The following SPECC1 variants were observed in gnomAD, a reference collection of about 807,000 sequenced individuals.
The protein encoded by SPECC1 is sperm antigen with calponin homology and coiled-coil domains 1, also known as cytospin-B.
Under a neutral mutation model 104.1 loss-of-function variants are expected in SPECC1, and 62 were observed. That is an observed-to-expected ratio of 0.60 (90% CI 0.49 to 0.74). The LOEUF is 0.74. Among genes scored for constraint, SPECC1 ranks in the 30% least tolerant of loss-of-function variants. The pLI is 0.00. For missense variants in SPECC1, 1,306 were observed against 1,310.5 expected (o/e 1.00, Z 0.05); for synonymous variants, 513 against 501.6 (o/e 1.02, Z -0.30).
chr17:20,176,019 T>C (rs181735221), intron 3 of SPECC1, among the ~76,000 whole-genome samples: 73 of 152,326 alleles, frequency 4.8e-4, no homozygotes, highest in African/African-American at 1.8e-3. Flanking sequence ...CTTATGTAAA[T>C]GCGCAAATTT....
At chr17:20,234,933 C>G (rs1277394524) in intron 7 of SPECC1, among the ~76,000 whole-genome samples, 2 of 152,244 alleles carry the variant, frequency 1.3e-5, no homozygotes, top group Non-Finnish European at 2.9e-5. Flanking sequence ...ATTTCAGAGT[C>G]AGAATAACTG....
chr17:20,236,895 G>A, intron 7 of SPECC1: 3 of 1,613,780 alleles, frequency 1.9e-6, no homozygotes, highest in Non-Finnish European at 2.5e-6. Flanking sequence ...AGCATTTGGT[G>A]GAAGAAAGAC....
intron 1 of SPECC1, among the ~76,000 whole-genome samples, chr17:20,044,174 A>G (rs1437440344): frequency 6.6e-6 from 1 of 152,096 alleles, no homozygotes; most frequent in Non-Finnish European, 1.5e-5. Flanking sequence ...GGAAATGTTC[A>G]TAGGCCCTGG....
intron 1 of SPECC1, among the ~76,000 whole-genome samples, chr17:20,033,630 G>A (rs542675777): frequency 1.3e-5 from 2 of 152,258 alleles, no homozygotes; most frequent in South Asian, 4.1e-4. Context: ...GGGGGAAAGT[G>A]CCAGGCTGTT....
intron 3 of SPECC1, among the ~76,000 whole-genome samples, chr17:20,165,141 T>C (rs2033537544): frequency 6.6e-6 from 1 of 152,180 alleles, no homozygotes; most frequent in African/African-American, 2.4e-5. Flanking sequence ...GATCAACCCG[T>C]CACCTAGGTA....
intron 12 of SPECC1, among the ~76,000 whole-genome samples, chr17:20,282,078 C>T (rs2040789618): frequency 6.6e-6 from 1 of 152,272 alleles, no homozygotes; most frequent in Non-Finnish European, 1.5e-5. Context: ...GCCGCAGGCC[C>T]ATGCTTGCAA....
chr17:20,238,887 T>C (rs1176179356), intron 7 of SPECC1: 1 of 1,042,756 alleles, frequency 9.6e-7, no homozygotes, highest in Admixed American at 5.6e-5. Flanking sequence ...TGTTATTATA[T>C]AGAAGCGTCT....
At chr17:20,231,315 A>G (rs1030880127) in intron 5 of SPECC1, among the ~76,000 whole-genome samples, 1 of 152,230 alleles carries the variant, frequency 6.6e-6, no homozygotes, top group Admixed American at 6.5e-5. Flanking sequence ...GACTCTAGAA[A>G]GTGCTTTACA....
chr17:20,179,612 C>G (rs2034722360), intron 3 of SPECC1, among the ~76,000 whole-genome samples: 1 of 152,178 alleles, frequency 6.6e-6, no homozygotes, highest in African/African-American at 2.4e-5. Context: ...TGTCAGAGAT[C>G]AAGTACTCTT....
chr17:20,310,850 A>G (rs2041910022), intron 14 of SPECC1, among the ~76,000 whole-genome samples: 1 of 152,100 alleles, frequency 6.6e-6, no homozygotes, highest in Admixed American at 6.5e-5. Context: ...TTGTGTGACA[A>G]GCATTTTGTT....
Position 20,318,152 on chromosome 17 carries a change from T to C in SPECC1, c.*4087T>C. 1 of 231,450 alleles carries C rather than the reference T, an allele frequency of 4.3e-6. No homozygotes were observed. Among genetic ancestry groups the C allele is most frequent in the South Asian group, 1.8e-4 (1 of 5,516 alleles). The allele number at this position is 231,450 out of a possible 1,614,324, so 14.3% of individuals were successfully genotyped here. ...TCTTCAGTTGTTCTGAAGATCCTTT[T>C]TTTAATGTATCATTTTTACATGAAA... On this transcript the variant is annotated 3_prime_UTR_variant, in exon 15 of 15. Coordinates refer to ENST00000395527, the MANE Select transcript of SPECC1 (RefSeq NM_001243439.2).
At position 20,085,384 on chromosome 17, in the gene SPECC1, G is replaced by A. The variant is rs138075584; in HGVS notation, c.-21-11247G>A. On this transcript the variant is annotated intron_variant, in intron 1 of 14. Coordinates refer to ENST00000395527, the MANE Select transcript of SPECC1 (RefSeq NM_001243439.2). ...GCAGCGGAAGTGCTGTTACATAACCGTTTCTGTCCCTCACGCTGGAAACAG... is the reference window on the plus strand; with the variant it reads ...GCAGCGGAAGTGCTGTTACATAACCATTTCTGTCCCTCACGCTGGAAACAG... 6.9e-4 allele frequency among the ~76,000 whole-genome samples: 105 copies of A among 152,302 alleles called. 2 individuals carry two copies. Among genetic ancestry groups the A allele is most frequent in the African/African-American group, 2.4e-3 (98 of 41,554 alleles).
At chr17:20,036,395 G>A (rs889057289) in intron 1 of SPECC1, among the ~76,000 whole-genome samples, 1 of 152,118 alleles carries the variant, frequency 6.6e-6, no homozygotes, top group African/African-American at 2.4e-5. Flanking sequence ...CTCCTAAAAT[G>A]CTGGGATTAC....
chr17:20,300,149 C>A (rs2142072791), intron 13 of SPECC1, among the ~76,000 whole-genome samples: 1 of 152,280 alleles, frequency 6.6e-6, no homozygotes, highest in South Asian at 2.1e-4. Context: ...AGCACCCAGT[C>A]CCTTGGTCTT....
intron 1 of SPECC1, among the ~76,000 whole-genome samples, chr17:20,047,267 C>T (rs888266759): frequency 2.6e-5 from 4 of 152,112 alleles, no homozygotes; most frequent in Admixed American, 2.6e-4. Context: ...GGGTCACTTT[C>T]TCTCCCTTCT....
At chr17:20,028,095 A>T (rs1161080021) in intron 1 of SPECC1, among the ~76,000 whole-genome samples, 1 of 152,000 alleles carries the variant, frequency 6.6e-6, no homozygotes, top group African/African-American at 2.4e-5. Flanking sequence ...ATTTTTGCAT[A>T]TGGTGTGATG....
intron 2 of SPECC1, among the ~76,000 whole-genome samples, chr17:20,110,183 T>G (rs1360546790): frequency 6.6e-6 from 1 of 152,212 alleles, no homozygotes; most frequent in Non-Finnish European, 1.5e-5. Context: ...ATGGTATTCT[T>G]CACGCACAGT....
chr17:20,107,171 AAAAG>A (rs2048261026), intron 2 of SPECC1, among the ~76,000 whole-genome samples: 1 of 145,968 alleles, frequency 6.9e-6, no homozygotes, highest in Non-Finnish European at 1.5e-5. Context: ...AAAAAAAAAG[AAAAG>A]AAAAACAAAA....
At chr17:20,084,150 C>A (rs1268119587) in intron 1 of SPECC1, among the ~76,000 whole-genome samples, 4 of 152,138 alleles carry the variant, frequency 2.6e-5, no homozygotes, top group African/African-American at 9.7e-5. Context: ...AACAAAGAGG[C>A]TGGGCACTGT....
Sources: gnomAD v4.1 joint callset for allele counts (sites outside exome capture counted in the v4.1 genomes callset) on GRCh38, gnomAD v4.1.1 for gene constraint, MANE v1.5 for transcripts, NCBI Gene and HGNC (gene_info 2026-07-23, HGNC 2026-07-21) for gene names.